COPG2: variants seen among roughly 807,000 people sequenced by gnomAD.
The protein encoded by COPG2 is coatomer subunit gamma-2.
In COPG2, 37 loss-of-function variants were observed where a neutral mutation model predicts 46.3. That is an observed-to-expected ratio of 0.80 (90% CI 0.61 to 1.05). The LOEUF (loss-of-function observed/expected upper bound fraction) is 1.05. COPG2 is among the 50% of genes least tolerant of loss of function. The pLI is 0.00. For synonymous variants in COPG2, 159 were observed against 129.7 expected (o/e 1.23, Z -1.53); for missense variants, 427 against 387.8 (o/e 1.10, Z -0.85).
At chr7:130,617,094 G>A in intron 5 of COPG2, 29 bp from the exon 6 acceptor site, 3 of 1,467,772 alleles carry the variant, frequency 2.0e-6, no homozygotes, top group Non-Finnish European at 1.9e-6. Context: ...GTTAACATAA[G>A]ATCAATTAAA....
At position 130,607,448 on chromosome 7, in the gene COPG2, T is replaced by C. The variant is rs372066049; in HGVS notation, c.737+3505A>G. On this transcript the variant is annotated intron_variant, in intron 9 of 23. Coordinates refer to ENST00000425248, the MANE Select transcript of COPG2 (RefSeq NM_012133.6). ...GGCAATTTTTACCATCTATTAAACA[T>C]TGTAATGATATACTGTAAAGACTCT... The C allele has an allele frequency of 4.9e-5, 22 of 444,632 alleles. No homozygotes were observed. In the East Asian group the frequency reaches 6.1e-4, roughly 12 times the overall value. 27.5% of individuals were successfully genotyped at this position (444,632 alleles called of 1,614,324 possible).
chr7:130,658,765 C>T (rs1374141149), intron 4 of COPG2, among the ~76,000 whole-genome samples: 7 of 151,920 alleles, frequency 4.6e-5, no homozygotes, highest in Non-Finnish European at 1.0e-4. Context: ...ACTGCAATCT[C>T]CCCCTCCTGG....
At chr7:130,557,187 A>G (rs1329504590) in intron 12 of COPG2, among the ~76,000 whole-genome samples, 1 of 152,234 alleles carries the variant, frequency 6.6e-6, no homozygotes, top group African/African-American at 2.4e-5. Context: ...ATGCAAAACC[A>G]GTAATATTCA....
At chr7:130,637,545 T>C (rs880003598) in intron 5 of COPG2, among the ~76,000 whole-genome samples, 1 of 152,192 alleles carries the variant, frequency 6.6e-6, no homozygotes, top group African/African-American at 2.4e-5. Context: ...TGCTTCACGA[T>C]GTTCTCATGC....
At chr7:130,668,060 C>T (rs1213771374) in intron 1 of COPG2, among the ~76,000 whole-genome samples, 2 of 152,122 alleles carry the variant, frequency 1.3e-5, no homozygotes, top group African/African-American at 4.8e-5. Context: ...TCCCCATTTG[C>T]TCTGGACCAA....
At chr7:130,591,921 C>A (rs1238709071) in intron 9 of COPG2, among the ~76,000 whole-genome samples, 1 of 152,130 alleles carries the variant, frequency 6.6e-6, no homozygotes, top group Non-Finnish European at 1.5e-5. Context: ...TCATTGAGAA[C>A]AGGCCATGAT....
chr7:130,634,449 T>C (rs1163531939), intron 5 of COPG2, among the ~76,000 whole-genome samples: 3 of 152,186 alleles, frequency 2.0e-5, no homozygotes, highest in Non-Finnish European at 2.9e-5. Flanking sequence ...CCCTTATAAG[T>C]TGAATTCCTA....
chr7:130,507,586 GT>G (rs79621845), intron 22 of COPG2, 98 bp downstream of exon 22: 4,494 of 567,518 alleles, frequency 7.9e-3, no homozygotes, highest in South Asian at 0.011. Flanking sequence ...GATTTATGAA[GT>G]TTTTTTTTTT....
chr7:130,522,000 G>A (rs1212650266), intron 20 of COPG2, among the ~76,000 whole-genome samples: 1 of 152,144 alleles, frequency 6.6e-6, no homozygotes, highest in African/African-American at 2.4e-5. Context: ...GAGGAAAGAA[G>A]TTCAGAAATG....
In COPG2 at chr7:130,506,656, T is replaced by A. The variant is rs368913054; in HGVS notation, c.*20A>T. The A allele has an allele frequency of 4.0e-5, 31 of 776,106 alleles. No homozygotes were observed. Among genetic ancestry groups the A allele is most frequent in the Non-Finnish European group, 6.7e-5 (28 of 415,748 alleles). The allele number at this position is 776,106 out of a possible 1,614,324, so 48.1% of individuals were successfully genotyped here. A position where few individuals can be genotyped will look rare whatever the true frequency, so the allele number is the denominator to read the frequency against. On this transcript the variant is annotated 3_prime_UTR_variant, in exon 24 of 24. Coordinates refer to ENST00000425248, the MANE Select transcript of COPG2 (RefSeq NM_012133.6). ...ACTGACCATGTAGTGTGCATCAGTT[T>A]CCTCTTGTCCAGTAAGCATTTATCC...
In COPG2 at chr7:130,514,309, C is replaced by A. The variant is rs574617537; in HGVS notation, c.2150-5650G>T. ...ATGACTAATATTGGAAGAGGAGTGGCTGGAGATCATGTTGGAAACCCATCT... is the reference window on the plus strand; with the variant it reads ...ATGACTAATATTGGAAGAGGAGTGGATGGAGATCATGTTGGAAACCCATCT... On this transcript the variant is annotated intron_variant, in intron 20 of 23. Transcript: ENST00000425248. Among the ~76,000 whole-genome samples the A allele has an allele frequency of 2.0e-5, 3 of 152,280 alleles. No individual in the cohort carries two copies. The South Asian group carries it at 6.2e-4, about 32-fold the overall frequency.
At position 130,507,312 on chromosome 7, in the gene COPG2, A is replaced by T; in HGVS notation, c.2447T>A (p.Val816Glu). The change falls in exon 23 of 24, where the codon GTA becomes GAA. Residue 816 changes from valine (V) to glutamate (E), a missense_variant. Transcript: ENST00000425248. ...GMQPCERSDK[V>E]PENKNSHSLY... ...CGAATGGGAATTCTTGTTCTCAGGT[A>T]CTTTATCGGACCTCTCACATGGCTG... 1.3e-6 allele frequency: 1 copy of T among 780,744 alleles called. No homozygotes were observed. The highest frequency in any genetic ancestry group is 2.4e-5 in the East Asian group (1 of 41,256). 48.4% of individuals were successfully genotyped at this position (780,744 alleles called of 1,614,324 possible).
At position 130,591,744 on chromosome 7, in the gene COPG2, C is replaced by T. The variant is rs1443383667; in HGVS notation, c.737+19209G>A. 2.8e-4 allele frequency among the ~76,000 whole-genome samples: 39 copies of T among 141,066 alleles called. 1 individual carries two copies. The highest frequency in any genetic ancestry group is 9.1e-4 in the African/African-American group (33 of 36,128). The allele number at this position is 141,066 out of a possible 152,430, so 92.5% of individuals were successfully genotyped here. A position where few individuals can be genotyped will look rare whatever the true frequency, so the allele number is the denominator to read the frequency against. ...GAAGGAGGTGGGGGGGTCAGCCCCC[C>T]GCCCGGCCAGCCACCCCGTCCGGGA... is the stretch of plus-strand genomic sequence containing the variant. On this transcript the variant is annotated intron_variant, in intron 9 of 23. Transcript: ENST00000425248.
At chr7:130,647,186 G>C (rs1262075614) in intron 5 of COPG2, among the ~76,000 whole-genome samples, 1 of 151,744 alleles carries the variant, frequency 6.6e-6, no homozygotes, top group African/African-American at 2.4e-5. Flanking sequence ...GACTACAGGC[G>C]TGTGCCACCA....
intron 9 of COPG2, among the ~76,000 whole-genome samples, chr7:130,567,035 C>T (rs1793815438): frequency 6.6e-6 from 1 of 152,278 alleles, no homozygotes; most frequent in South Asian, 2.1e-4. Flanking sequence ...AAACGTAGTA[C>T]ATATACACCA....
At chr7:130,633,008 T>A (rs1211495121) in intron 5 of COPG2, among the ~76,000 whole-genome samples, 1 of 152,136 alleles carries the variant, frequency 6.6e-6, no homozygotes, top group Non-Finnish European at 1.5e-5. Flanking sequence ...GGTTTTCTGT[T>A]CCCGTGTTAG....
intron 19 of COPG2, 120 bp downstream of exon 19, chr7:130,548,283 C>T (rs1793477698): frequency 2.5e-6 from 1 of 396,420 alleles, no homozygotes; most frequent in Non-Finnish European, 4.4e-6. Context: ...AGCAAGAAAA[C>T]CAGAAATTCT....
intron 5 of COPG2, among the ~76,000 whole-genome samples, chr7:130,617,719 C>A (rs1794972995): frequency 6.6e-6 from 1 of 152,128 alleles, no homozygotes; most frequent in East Asian, 1.9e-4. Context: ...CTCACATAAT[C>A]CAAAATGGTC....
At chr7:130,521,591 G>A (rs1799724331) in intron 20 of COPG2, among the ~76,000 whole-genome samples, 1 of 152,214 alleles carries the variant, frequency 6.6e-6, no homozygotes, top group Non-Finnish European at 1.5e-5. Flanking sequence ...CTTAGGATGG[G>A]AAAAGTCATG....
Sources: gnomAD v4.1 joint callset for allele counts (sites outside exome capture counted in the v4.1 genomes callset) on GRCh38, gnomAD v4.1.1 for gene constraint, MANE v1.5 for transcripts, NCBI Gene and HGNC (gene_info 2026-07-23, HGNC 2026-07-21) for gene names.